Variants in ADGRL2 observed in about 807,000 individuals in gnomAD.
ADGRL2 encodes the protein adhesion G protein-coupled receptor L2.
ADGRL2 carries 44 observed loss-of-function variants against 157.4 expected under a neutral mutation model. The ratio of observed to expected loss-of-function variants is 0.28; its 90% CI spans 0.22 to 0.36. The LOEUF is 0.36. Among genes scored for constraint, ADGRL2 ranks in the 10% least tolerant of loss-of-function variants. The probability of loss-of-function intolerance (pLI) is 1.00; values close to 1 mark genes in which losing one functional copy is unlikely to be tolerated. For synonymous variants in ADGRL2, 585 were observed against 624.7 expected (o/e 0.94, Z 0.95); for missense variants, 1,510 against 1,768.9 (o/e 0.85, Z 2.63).
intron 3 of ADGRL2, among the ~76,000 whole-genome samples, chr1:81,907,725 C>T (rs2094614056): frequency 6.6e-6 from 1 of 152,014 alleles, no homozygotes. Flanking sequence ...TGTTTCTCAA[C>T]TGAAGATACT....
chr1:81,823,133 T>C (rs879800376), intron 1 of ADGRL2, among the ~76,000 whole-genome samples: 1 of 152,170 alleles, frequency 6.6e-6, no homozygotes, highest in Admixed American at 6.5e-5. Context: ...CCAGTTTTTT[T>C]TTTTTAATTT....
chr1:81,333,756 C>T (rs1661438135), intron 1 of ADGRL2, among the ~76,000 whole-genome samples: 1 of 133,068 alleles, frequency 7.5e-6, no homozygotes. Flanking sequence ...TGGGGGGTTC[C>T]CTAAGCAAAA....
intron 2 of ADGRL2, among the ~76,000 whole-genome samples, chr1:81,470,695 C>T (rs1310384513): frequency 6.6e-6 from 1 of 152,174 alleles, no homozygotes; most frequent in East Asian, 1.9e-4. Context: ...ATTGAACACA[C>T]ATACATGTCA....
intron 3 of ADGRL2, among the ~76,000 whole-genome samples, chr1:81,602,112 C>T (rs1225408219): frequency 7.4e-6 from 1 of 134,282 alleles, no homozygotes; most frequent in Non-Finnish European, 1.7e-5. Context: ...GATTCTGCTA[C>T]TTAAACAAAA....
chr1:81,496,768 C>T (rs2078739458), intron 2 of ADGRL2, among the ~76,000 whole-genome samples: 1 of 152,004 alleles, frequency 6.6e-6, no homozygotes, highest in Non-Finnish European at 1.5e-5. Flanking sequence ...CTTAATGAAT[C>T]TGTTCATCAG....
intron 2 of ADGRL2, among the ~76,000 whole-genome samples, chr1:81,533,149 G>T (rs551481591): frequency 2.0e-5 from 3 of 152,112 alleles, no homozygotes; most frequent in Non-Finnish European, 2.9e-5. Context: ...GAGGCCGAGG[G>T]GGGTGGATCA....
chr1:81,876,091 C>T (rs897605718), intron 2 of ADGRL2, among the ~76,000 whole-genome samples: 1 of 152,012 alleles, frequency 6.6e-6, no homozygotes, highest in African/African-American at 2.4e-5. Context: ...ACCAGAGTTA[C>T]CATATTTGAG....
intron 2 of ADGRL2, among the ~76,000 whole-genome samples, chr1:81,560,079 T>C (rs118150545): frequency 0.025 from 3,820 of 152,264 alleles, 78 homozygotes; most frequent in East Asian, 0.038. Flanking sequence ...AAAGATACCA[T>C]AGAGGCTTGC....
chr1:81,585,773 C>A (rs1194906516), intron 3 of ADGRL2, among the ~76,000 whole-genome samples: 1 of 152,064 alleles, frequency 6.6e-6, no homozygotes, highest in Non-Finnish European at 1.5e-5. Context: ...CAAGCACGGT[C>A]TTTTAATTAA....
chr1:81,333,788 C>T (rs138730498), intron 1 of ADGRL2, among the ~76,000 whole-genome samples: 46 of 150,638 alleles, frequency 3.1e-4, no homozygotes, highest in Admixed American at 1.7e-3. Context: ...AAATTCCTTA[C>T]TTCCAAATGT....
intron 1 of ADGRL2, among the ~76,000 whole-genome samples, chr1:81,443,496 A>G (rs1195320038): frequency 6.6e-6 from 1 of 152,126 alleles, no homozygotes; most frequent in Non-Finnish European, 1.5e-5. Flanking sequence ...ATCTTGATTA[A>G]CCTTATTCCT....
intron 13 of ADGRL2, among the ~76,000 whole-genome samples, 160 bp from the exon 14 acceptor site, chr1:81,967,866 T>C (rs1657594351): frequency 6.6e-6 from 1 of 152,222 alleles, no homozygotes; most frequent in Non-Finnish European, 1.5e-5. Flanking sequence ...AAGCTAGATA[T>C]CTGCCTTGTA....
intron 1 of ADGRL2, among the ~76,000 whole-genome samples, chr1:81,444,554 T>C (rs2077567175): frequency 6.6e-6 from 1 of 152,176 alleles, no homozygotes; most frequent in African/African-American, 2.4e-5. Flanking sequence ...ACGGTCAAAG[T>C]TTGGCCTTTT....
At chr1:81,366,068 G>C (rs190163411) in intron 1 of ADGRL2, among the ~76,000 whole-genome samples, 2 of 152,122 alleles carry the variant, frequency 1.3e-5, no homozygotes, top group African/African-American at 4.8e-5. Flanking sequence ...GGGATAGTCT[G>C]TTGGTTCTTA....
At position 81,942,060 on chromosome 1, in the gene ADGRL2, G is replaced by A. The variant is rs1270683078; in HGVS notation, c.409+15G>A. The A allele has an allele frequency of 1.3e-5, 10 of 767,494 alleles. No homozygotes were observed. Among genetic ancestry groups the A allele is most frequent in the Non-Finnish European group, 2.2e-5 (9 of 411,672 alleles). The allele number at this position is 767,494 out of a possible 1,614,324, so 47.5% of individuals were successfully genotyped here. ...GGAGCAAAAAGGTAAATAACATACA[G>A]TCTGAACCCCAGCTCCCTGTTATGT... is the stretch of plus-strand genomic sequence containing the variant. On this transcript the variant is annotated intron_variant, in intron 5 of 23. Transcript: ENST00000686636.
intron 1 of ADGRL2, among the ~76,000 whole-genome samples, chr1:81,818,448 C>A (rs1206314357): frequency 6.6e-6 from 1 of 152,126 alleles, no homozygotes; most frequent in African/African-American, 2.4e-5. Flanking sequence ...TTTGACAGAA[C>A]TTCTGGTACT....
At chr1:81,358,179 C>T (rs1161621547) in intron 1 of ADGRL2, among the ~76,000 whole-genome samples, 1 of 152,098 alleles carries the variant, frequency 6.6e-6, no homozygotes, top group Non-Finnish European at 1.5e-5. Context: ...TTTGTGGAAA[C>T]AAGGTAGATT....
At chr1:81,666,436 C>T (rs1348962791) in intron 3 of ADGRL2, among the ~76,000 whole-genome samples, 3 of 152,016 alleles carry the variant, frequency 2.0e-5, no homozygotes, top group Non-Finnish European at 4.4e-5. Context: ...GAGATAAAAA[C>T]GTATTGATTG....
chr1:81,364,316 G>A (rs888478654), intron 1 of ADGRL2, among the ~76,000 whole-genome samples: 33 of 151,898 alleles, frequency 2.2e-4, no homozygotes, highest in African/African-American at 8.0e-4. Context: ...TCAAAGTACA[G>A]TTCTTCATAG....
Sources: gnomAD v4.1 joint callset for allele counts (sites outside exome capture counted in the v4.1 genomes callset) on GRCh38, gnomAD v4.1.1 for gene constraint, MANE v1.5 for transcripts, NCBI Gene and HGNC (gene_info 2026-07-23, HGNC 2026-07-21) for gene names.